The following EPB41L4A variants were observed in gnomAD, a reference collection of about 807,000 sequenced individuals.
The protein encoded by EPB41L4A is band 4.1-like protein 4A.
EPB41L4A carries 100 observed loss-of-function variants against 108.6 expected under a neutral mutation model. The observed-to-expected ratio is 0.92, with a 90% CI of 0.78 to 1.09. EPB41L4A has a LOEUF of 1.09. Among genes scored for constraint, EPB41L4A ranks in the 50% least tolerant of loss-of-function variants. EPB41L4A has a pLI of 0.00. For synonymous variants in EPB41L4A, 319 were observed against 289.0 expected (o/e 1.10, Z -1.05); for missense variants, 1,030 against 842.7 (o/e 1.22, Z -2.75).
chr5:112,210,025 G>C, intron 12 of EPB41L4A, 43 bp from the exon 13 acceptor site: 1 of 1,182,174 alleles, frequency 8.5e-7, no homozygotes. Context: ...AGAGGAAACA[G>C]TGATAAGGAA....
intron 1 of EPB41L4A, among the ~76,000 whole-genome samples, chr5:112,364,948 G>C (rs749733934): frequency 6.6e-6 from 1 of 152,106 alleles, no homozygotes; most frequent in Non-Finnish European, 1.5e-5. Flanking sequence ...AGTATTATTT[G>C]ATGGGGTAAA....
chr5:112,272,045 A>AT (rs796877554), intron 4 of EPB41L4A, among the ~76,000 whole-genome samples: 2 of 151,498 alleles, frequency 1.3e-5, no homozygotes, highest in African/African-American at 4.8e-5. Context: ...CATTCCAGGT[A>AT]TTTTTTCCTA....
intron 4 of EPB41L4A, among the ~76,000 whole-genome samples, chr5:112,267,435 T>C (rs772885761): frequency 2.6e-5 from 4 of 152,342 alleles, no homozygotes; most frequent in Middle Eastern, 3.4e-3. Flanking sequence ...TTCAGGAAGA[T>C]TGGCATCAAC....
At chr5:112,284,007 A>AG (rs1285650725) in intron 2 of EPB41L4A, among the ~76,000 whole-genome samples, 6 of 152,240 alleles carry the variant, frequency 3.9e-5, no homozygotes, top group Non-Finnish European at 7.3e-5. Context: ...CATGTCTATC[A>AG]GCTCAACTGC....
chr5:112,192,692 G>A (rs1761765098), intron 17 of EPB41L4A, among the ~76,000 whole-genome samples: 1 of 152,166 alleles, frequency 6.6e-6, no homozygotes, highest in African/African-American at 2.4e-5. Flanking sequence ...ATCAGTATGA[G>A]CAATTTAATT....
intron 1 of EPB41L4A, among the ~76,000 whole-genome samples, chr5:112,341,753 A>AACACACACAC (rs5870494): frequency 1.3e-5 from 2 of 149,362 alleles, no homozygotes; most frequent in Non-Finnish European, 3.0e-5. Context: ...CACTATTTAA[A>AACACACACAC]ACACACACAC....
chr5:112,201,118 T>C (rs1762199276), intron 15 of EPB41L4A, among the ~76,000 whole-genome samples: 1 of 152,184 alleles, frequency 6.6e-6, no homozygotes, highest in African/African-American at 2.4e-5. Flanking sequence ...ACAACGACAC[T>C]TATAGGGCAT....
chr5:112,352,112 T>C (rs1229953600), intron 1 of EPB41L4A, among the ~76,000 whole-genome samples: 1 of 152,228 alleles, frequency 6.6e-6, no homozygotes, highest in African/African-American at 2.4e-5. Context: ...GTCCTTGTAT[T>C]TTCTAGTCTC....
intron 18 of EPB41L4A, among the ~76,000 whole-genome samples, chr5:112,172,330 G>A (rs191876327): frequency 2.6e-5 from 4 of 152,146 alleles, no homozygotes; most frequent in Non-Finnish European, 5.9e-5. Context: ...GGCCAACATG[G>A]CAAAACCCCA....
chr5:112,265,122 C>T (rs77518905), intron 5 of EPB41L4A, 106 bp from the exon 6 acceptor site: 11,087 of 1,011,208 alleles, frequency 0.011, 175 homozygotes, highest in African/African-American at 0.067. Context: ...AAATGTCTTA[C>T]TAAAATTCAC....
rs2150379234 is a variant in EPB41L4A at position 112,239,743 on chromosome 5, C to A, written c.888-6G>T. 1 of 1,599,412 alleles carries A rather than the reference C, an allele frequency of 6.3e-7. No homozygotes were observed. Among genetic ancestry groups the A allele is most frequent in the Admixed American group, 1.7e-5 (1 of 58,512 alleles). On this transcript the variant is annotated splice_region_variant and splice_polypyrimidine_tract_variant and intron_variant, in intron 10 of 22. Transcript: ENST00000261486. ...TGGATTCATTTTCTGGCATTCTAAT[C>A]AATTTTTAAAAGAAAATCAGACAAA...
At chr5:112,290,067 A>T (rs1339349521) in intron 2 of EPB41L4A, among the ~76,000 whole-genome samples, 2 of 151,798 alleles carry the variant, frequency 1.3e-5, no homozygotes, top group Non-Finnish European at 2.9e-5. Context: ...ATACCTAGAA[A>T]CCTCCCTCCA....
chr5:112,403,334 C>T (rs950854423), intron 1 of EPB41L4A, among the ~76,000 whole-genome samples: 10 of 127,654 alleles, frequency 7.8e-5, no homozygotes, highest in Non-Finnish European at 1.6e-4. Flanking sequence ...TCATAATCCT[C>T]AGCAAAAAAA....
intron 1 of EPB41L4A, among the ~76,000 whole-genome samples, chr5:112,322,174 C>A (rs1227460890): frequency 6.6e-6 from 1 of 152,204 alleles, no homozygotes; most frequent in East Asian, 1.9e-4. Flanking sequence ...TATAATAGCA[C>A]TGCATCTTCT....
chr5:112,198,995 T>C (rs1762094633), intron 15 of EPB41L4A, among the ~76,000 whole-genome samples: 1 of 152,130 alleles, frequency 6.6e-6, no homozygotes, highest in South Asian at 2.1e-4. Flanking sequence ...CGTTCATGGC[T>C]CTCTCTTCCT....
At chr5:112,208,038 G>C (rs995442137) in intron 13 of EPB41L4A, among the ~76,000 whole-genome samples, 1 of 152,152 alleles carries the variant, frequency 6.6e-6, no homozygotes, top group African/African-American at 2.4e-5. Context: ...CCGAGGTCAA[G>C]AGATGCAGAC....
chr5:112,240,051 T>A (rs1410648586), intron 10 of EPB41L4A, among the ~76,000 whole-genome samples: 1 of 152,256 alleles, frequency 6.6e-6, no homozygotes, highest in Admixed American at 6.5e-5. Flanking sequence ...TAGTTTCATC[T>A]GACCGGACCT....
At chr5:112,289,502 C>T (rs1375867254) in intron 2 of EPB41L4A, among the ~76,000 whole-genome samples, 1 of 152,182 alleles carries the variant, frequency 6.6e-6, no homozygotes, top group Non-Finnish European at 1.5e-5. Context: ...TAGAATGCCA[C>T]AGAAGTAACA....
intron 12 of EPB41L4A, among the ~76,000 whole-genome samples, chr5:112,219,310 A>G (rs1747874885): frequency 6.6e-6 from 1 of 152,148 alleles, no homozygotes; most frequent in Non-Finnish European, 1.5e-5. Flanking sequence ...TGATGGTTTT[A>G]TAAGCGTCTG....
Sources: allele counts gnomAD v4.1 joint callset (sites outside exome capture counted in the v4.1 genomes callset), GRCh38; gene constraint gnomAD v4.1.1; transcripts MANE v1.5; gene names NCBI Gene and HGNC (gene_info 2026-07-23, HGNC 2026-07-21).